The following GALNT13 variants were observed in gnomAD, a reference collection of about 807,000 sequenced individuals.
GALNT13 encodes UDP-GalNAc:polypeptide N-acetylgalactosaminyltransferase 13.
Under a neutral mutation model 64.2 loss-of-function variants are expected in GALNT13, and 28 were observed. The ratio of observed to expected loss-of-function variants is 0.44; its 90% CI spans 0.32 to 0.60. The LOEUF (loss-of-function observed/expected upper bound fraction) is 0.60. GALNT13 is among the 20% of genes least tolerant of loss of function. The probability of loss-of-function intolerance (pLI) is 0.05; values close to 1 mark genes in which losing one functional copy is unlikely to be tolerated. For synonymous variants in GALNT13, 214 were observed against 224.6 expected, an observed-to-expected ratio of 0.95 and a Z score of 0.42; for missense variants, 577 against 669.8, an observed-to-expected ratio of 0.86 and a Z score of 1.53.
At chr2:153,940,826 T>C (rs989607964) in intron 2 of GALNT13, among the ~76,000 whole-genome samples, 1 of 152,014 alleles carries the variant, frequency 6.6e-6, no homozygotes, top group African/African-American at 2.4e-5. Flanking sequence ...CCTCAGAAAA[T>C]AGACTGAAAA....
intron 4 of GALNT13, among the ~76,000 whole-genome samples, chr2:154,187,019 T>A: frequency 6.6e-6 from 1 of 151,904 alleles, no homozygotes; most frequent in Non-Finnish European, 1.5e-5. Context: ...GAAAATAAAA[T>A]AGTATCAAAG....
chr2:153,167,403 G>A, the GALNT13 span, among the ~76,000 whole-genome samples: 1 of 152,188 alleles, frequency 6.6e-6, no homozygotes, highest in Non-Finnish European at 1.5e-5. Flanking sequence ...TGTGTTGAAC[G>A]TGTAGTAGCA....
the GALNT13 span, among the ~76,000 whole-genome samples, chr2:153,286,593 A>G: frequency 2.0e-5 from 3 of 152,196 alleles, no homozygotes; most frequent in Non-Finnish European, 2.9e-5. Flanking sequence ...TAAAAAGGCA[A>G]CTTAATGAAA....
the GALNT13 span, among the ~76,000 whole-genome samples, chr2:153,631,817 T>A: frequency 0.018 from 2,716 of 152,310 alleles, 82 homozygotes; most frequent in African/African-American, 0.063. Flanking sequence ...TTTAATTAGA[T>A]CCCATTTGTC....
chr2:153,211,816 T>C, the GALNT13 span, among the ~76,000 whole-genome samples: 1 of 152,182 alleles, frequency 6.6e-6, no homozygotes, highest in Non-Finnish European at 1.5e-5. Context: ...TTGGAAACAC[T>C]AAGAGTCCAA....
the GALNT13 span, among the ~76,000 whole-genome samples, chr2:153,826,060 C>T: frequency 1.3e-5 from 2 of 152,110 alleles, no homozygotes; most frequent in African/African-American, 4.8e-5. Context: ...CATTAGTGTA[C>T]TCAGTTTCTA....
At chr2:153,348,848 C>T in the GALNT13 span, among the ~76,000 whole-genome samples, 5 of 152,282 alleles carry the variant, frequency 3.3e-5, no homozygotes, top group Admixed American at 2.6e-4. Flanking sequence ...GGCAGTCTTC[C>T]ACATCAGGTG....
chr2:154,372,638 G>A (rs911353370), intron 9 of GALNT13, among the ~76,000 whole-genome samples: 32 of 151,966 alleles, frequency 2.1e-4, no homozygotes, highest in African/African-American at 7.2e-4. Flanking sequence ...AGGAAGTGAG[G>A]TAAAATATAA....
At chr2:153,967,523 A>G (rs141557133) in intron 3 of GALNT13, among the ~76,000 whole-genome samples, 89 of 152,260 alleles carry the variant, frequency 5.8e-4, no homozygotes, top group Middle Eastern at 6.8e-3. Flanking sequence ...GATTTGGGGA[A>G]GACAGAGTAT....
chr2:153,781,494 G>A, the GALNT13 span, among the ~76,000 whole-genome samples: 1 of 152,118 alleles, frequency 6.6e-6, no homozygotes. Flanking sequence ...GGGTGATGAA[G>A]CTTTGGTATG....
chr2:153,169,020 A>AAAAAACT, the GALNT13 span, among the ~76,000 whole-genome samples: 1 of 152,228 alleles, frequency 6.6e-6, no homozygotes, highest in African/African-American at 2.4e-5. Flanking sequence ...AGTTTAAAAA[A>AAAAAACT]AAAAAACTAG....
At chr2:154,281,962 A>T (rs1424799058) in intron 8 of GALNT13, among the ~76,000 whole-genome samples, 1 of 152,196 alleles carries the variant, frequency 6.6e-6, no homozygotes, top group Admixed American at 6.5e-5. Flanking sequence ...ATGAGTAAGT[A>T]TGAAAAGGAT....
chr2:154,144,671 C>A (rs73005455), intron 4 of GALNT13, among the ~76,000 whole-genome samples: 3 of 151,794 alleles, frequency 2.0e-5, no homozygotes, highest in African/African-American at 7.3e-5. Flanking sequence ...TTATGTTTGA[C>A]GCTAATATCA....
At chr2:154,298,340 A>G (rs1038032340) in intron 8 of GALNT13, among the ~76,000 whole-genome samples, 4 of 146,608 alleles carry the variant, frequency 2.7e-5, no homozygotes, top group Non-Finnish European at 6.0e-5. Flanking sequence ...AAGGGAAAGA[A>G]CATATATCAC....
the GALNT13 span, among the ~76,000 whole-genome samples, chr2:153,225,676 G>C: frequency 6.6e-6 from 1 of 152,030 alleles, no homozygotes; most frequent in South Asian, 2.1e-4. Context: ...TTAATTATAT[G>C]TCAGCAATAA....
chr2:153,464,483 G>A, the GALNT13 span, among the ~76,000 whole-genome samples: 1 of 152,068 alleles, frequency 6.6e-6, no homozygotes, highest in South Asian at 2.1e-4. Flanking sequence ...TGGGTGAGAT[G>A]TATCCTTTGA....
At position 154,049,859 on chromosome 2, in the gene GALNT13, G is replaced by T. The variant is rs978183942; in HGVS notation, c.143-90478G>T. 2.0e-5 allele frequency among the ~76,000 whole-genome samples: 3 copies of T among 152,160 alleles called. No homozygotes were observed. The East Asian group carries it at 5.8e-4, about 29-fold the overall frequency. On this transcript the variant is annotated intron_variant, in intron 3 of 12. Coordinates refer to ENST00000392825, the MANE Select transcript of GALNT13 (RefSeq NM_052917.4). Reference sequence around the variant, plus strand: ...GCCATGTCTTACAGTTTTTGTCAGTGTGAGAATTTTTTAAATTACTTATTT... The same window carrying T: ...GCCATGTCTTACAGTTTTTGTCAGTTTGAGAATTTTTTAAATTACTTATTT...
At chr2:153,258,483 T>C in the GALNT13 span, among the ~76,000 whole-genome samples, 5 of 152,208 alleles carry the variant, frequency 3.3e-5, no homozygotes, top group Non-Finnish European at 7.3e-5. Context: ...TATTATAGTC[T>C]TTCTTCTACA....
the GALNT13 span, among the ~76,000 whole-genome samples, chr2:153,081,332 A>C: frequency 2.0e-5 from 3 of 152,150 alleles, no homozygotes; most frequent in South Asian, 6.2e-4. Context: ...CAGGATGTCC[A>C]TTCCCTCAAG....
Sources: gnomAD v4.1 joint callset for allele counts (sites outside exome capture counted in the v4.1 genomes callset) on GRCh38, gnomAD v4.1.1 for gene constraint, MANE v1.5 for transcripts, NCBI Gene and HGNC (gene_info 2026-07-23, HGNC 2026-07-21) for gene names.